Variants in ASTN2 observed in about 807,000 individuals in gnomAD.
ASTN2 encodes astrotactin 2.
In ASTN2, 54 loss-of-function variants were observed where a neutral mutation model predicts 139.8. The observed-to-expected ratio is 0.39, with a 90% confidence interval of 0.31 to 0.48. The LOEUF (loss-of-function observed/expected upper bound fraction) is 0.48. Ranked by LOEUF, ASTN2 falls within the 20% of genes least tolerant of loss-of-function variation. The pLI, the probability that ASTN2 is intolerant of heterozygous loss-of-function variation, is 0.95. For missense variants in ASTN2, 1,565 were observed against 1,725.1 expected (o/e 0.91, Z 1.64); for synonymous variants, 756 against 719.5 (o/e 1.05, Z -0.81).
chr9:116,924,281 T>G (rs1834693815), intron 10 of ASTN2, among the ~76,000 whole-genome samples: 1 of 149,586 alleles, frequency 6.7e-6, no homozygotes, highest in South Asian at 2.1e-4. Flanking sequence ...AAAAAAAAAC[T>G]TAGCTGAGTG....
At position 116,653,387 on chromosome 9, in the gene ASTN2, C is replaced by A. The variant is rs10119248; in HGVS notation, c.2807-1594G>T. On this transcript the variant is annotated intron_variant, in intron 16 of 22. Coordinates refer to ENST00000313400, the MANE Select transcript of ASTN2 (RefSeq NM_001365068.1). ...CACTTTTATTTCTTTTATAGGCTGG[C>A]CTTCTATACAAGATTTCGTGAAAAT... Among the ~76,000 whole-genome samples the A allele has an allele frequency of 5.2e-3, 799 of 152,268 alleles. 5 individuals carry two copies. Among genetic ancestry groups the A allele is most frequent in the African/African-American group, 0.018 (763 of 41,564 alleles).
In ASTN2 at chr9:116,633,303, T is replaced by A. The variant is rs142524509; in HGVS notation, c.3073-12860A>T. ...CCTTGAATTGTCAAGGGTTTGTTAA[T>A]CTTACACAAATTTAAGTTCTTCAGA... is the stretch of plus-strand genomic sequence containing the variant. On this transcript the variant is annotated intron_variant, in intron 17 of 22. Coordinates refer to ENST00000313400, the MANE Select transcript of ASTN2 (RefSeq NM_001365068.1). 3.3e-4 allele frequency among the ~76,000 whole-genome samples: 50 copies of A among 152,338 alleles called. No homozygotes were observed. In the East Asian group the frequency reaches 9.5e-3, roughly 29 times the overall value.
intron 13 of ASTN2, 84 bp downstream of exon 13, chr9:116,805,548 C>A (rs1831007615): frequency 7.8e-7 from 1 of 1,280,392 alleles, no homozygotes; most frequent in Non-Finnish European, 1.1e-6. Context: ...AGGTCTCTAC[C>A]CCATTGTGCC....
At chr9:117,212,018 C>A (rs1165728887) in intron 3 of ASTN2, among the ~76,000 whole-genome samples, 1 of 152,038 alleles carries the variant, frequency 6.6e-6, no homozygotes. Context: ...GCTGTAGTAA[C>A]CAAAGTTACT....
intron 4 of ASTN2, among the ~76,000 whole-genome samples, chr9:117,123,835 G>A (rs904791614): frequency 6.6e-6 from 1 of 152,096 alleles, no homozygotes; most frequent in African/African-American, 2.4e-5. Context: ...GACTTCACCA[G>A]GAATTGGTTT....
chr9:116,501,937 G>A (rs1450833874), intron 19 of ASTN2, among the ~76,000 whole-genome samples: 2 of 150,610 alleles, frequency 1.3e-5, no homozygotes, highest in African/African-American at 4.9e-5. Context: ...CTCCATACTC[G>A]CACTTGCACA....
intron 14 of ASTN2, among the ~76,000 whole-genome samples, chr9:116,731,455 T>C (rs758327973): frequency 6.8e-4 from 103 of 152,090 alleles, no homozygotes; most frequent in Non-Finnish European, 1.2e-3. Flanking sequence ...AGAGTTTCAC[T>C]CCTGTTGCCC....
intron 1 of ASTN2, among the ~76,000 whole-genome samples, chr9:117,306,463 G>A (rs919623693): frequency 6.6e-6 from 1 of 152,118 alleles, no homozygotes; most frequent in Non-Finnish European, 1.5e-5. Flanking sequence ...TAGCCTCCTT[G>A]CTCTGCCACT....
intron 5 of ASTN2, among the ~76,000 whole-genome samples, chr9:117,077,883 T>C (rs1828322215): frequency 6.6e-6 from 1 of 152,236 alleles, no homozygotes; most frequent in African/African-American, 2.4e-5. Flanking sequence ...CAGAACATCC[T>C]CCACAGGTTA....
intron 5 of ASTN2, among the ~76,000 whole-genome samples, chr9:117,093,406 G>T (rs1828755614): frequency 6.6e-6 from 1 of 152,176 alleles, no homozygotes; most frequent in South Asian, 2.1e-4. Context: ...TTGATGCACA[G>T]AGACGTTAAG....
Position 116,440,592 on chromosome 9 carries a change from C to T in ASTN2, c.3782+17G>A. 1.2e-6 allele frequency: 2 copies of T among 1,611,044 alleles called. No individual in the cohort carries two copies. Among genetic ancestry groups the T allele is most frequent in the Non-Finnish European group, 1.7e-6 (2 of 1,178,912 alleles). On this transcript the variant is annotated intron_variant, in intron 22 of 22. Coordinates refer to ENST00000313400, the MANE Select transcript of ASTN2 (RefSeq NM_001365068.1). ...CAAAAAGAATATGCCCCTCCAATCA[C>T]ACAAATACGCCCATACCTGGGCCCC... is the stretch of plus-strand genomic sequence containing the variant.
chr9:117,048,232 A>G (rs1280276047), intron 5 of ASTN2, among the ~76,000 whole-genome samples: 1 of 152,158 alleles, frequency 6.6e-6, no homozygotes, highest in African/African-American at 2.4e-5. Flanking sequence ...ACTCTAGGTG[A>G]ATTTGTGGTG....
intron 3 of ASTN2, among the ~76,000 whole-genome samples, chr9:117,159,037 C>T (rs1830489925): frequency 6.6e-6 from 1 of 151,940 alleles, no homozygotes; most frequent in African/African-American, 2.4e-5. Context: ...ATTGTCTCCA[C>T]TGGTGTATGC....
intron 17 of ASTN2, among the ~76,000 whole-genome samples, chr9:116,623,795 T>C (rs1376237748): frequency 6.6e-6 from 1 of 152,134 alleles, no homozygotes; most frequent in Non-Finnish European, 1.5e-5. Flanking sequence ...TAAAGCCCAT[T>C]TGAATCCTTG....
At chr9:117,263,210 T>C (rs886185039) in intron 2 of ASTN2, among the ~76,000 whole-genome samples, 10 of 152,192 alleles carry the variant, frequency 6.6e-5, no homozygotes, top group Admixed American at 5.2e-4. Context: ...TTTTCCCTAA[T>C]GATACTAAAT....
intron 10 of ASTN2, among the ~76,000 whole-genome samples, chr9:116,953,192 C>T (rs1248167954): frequency 6.6e-6 from 1 of 152,168 alleles, no homozygotes; most frequent in Non-Finnish European, 1.5e-5. Flanking sequence ...CATTCTTTGG[C>T]TTAACTGAAA....
intron 1 of ASTN2, among the ~76,000 whole-genome samples, chr9:117,342,615 G>T (rs968536127): frequency 6.6e-6 from 1 of 152,120 alleles, no homozygotes; most frequent in Non-Finnish European, 1.5e-5. Context: ...GCTAGGTCCT[G>T]GTTTCCTCAC....
In ASTN2 at chr9:117,131,916, A is replaced by G. The variant is rs141040102; in HGVS notation, c.1168+9410T>C. On this transcript the variant is annotated intron_variant, in intron 4 of 22. Transcript: ENST00000313400. ...ACTATCATGGTCTATAGTCACTCAT[A>G]TTGGCTTAAAATAAACCTCTTTAAA... 7.9e-5 allele frequency among the ~76,000 whole-genome samples: 12 copies of G among 152,292 alleles called. No homozygotes were observed. In the East Asian group the frequency reaches 2.1e-3, roughly 27 times the overall value.
rs373655481 is a variant in ASTN2 at position 116,537,185 on chromosome 9, G to A, written c.3356-49685C>T. Among the ~76,000 whole-genome samples the A allele has an allele frequency of 2.4e-4, 37 of 152,306 alleles. No individual in the cohort carries two copies. The South Asian group carries it at 2.7e-3, about 11-fold the overall frequency. ...GCGGGATATAATCTCCTGGTGTGCC[G>A]TTTGCTCAGTTGGAAATGCAGAAAT... On this transcript the variant is annotated intron_variant, in intron 19 of 22. Transcript: ENST00000313400.
Sources: gnomAD v4.1 joint callset for allele counts (sites outside exome capture counted in the v4.1 genomes callset) on GRCh38, gnomAD v4.1.1 for gene constraint, MANE v1.5 for transcripts, NCBI Gene and HGNC (gene_info 2026-07-23, HGNC 2026-07-21) for gene names.